Variants in SCD5 observed in about 807,000 individuals in gnomAD.
SCD5 encodes acyl-CoA-desaturase 4.
Under a neutral mutation model 30.4 loss-of-function variants are expected in SCD5, and 20 were observed. The observed-to-expected ratio is 0.66, with a 90% CI of 0.46 to 0.96. The LOEUF is 0.96. SCD5 is among the 40% of genes least tolerant of loss of function. The pLI is 0.00. For synonymous variants in SCD5, 173 were observed against 176.4 expected, an observed-to-expected ratio of 0.98 and a Z score of 0.16; for missense variants, 381 against 443.3, an observed-to-expected ratio of 0.86 and a Z score of 1.26.
chr4:82,767,231 C>CCTCTCT (rs149299807), intron 1 of SCD5, among the ~76,000 whole-genome samples: 2 of 150,924 alleles, frequency 1.3e-5, no homozygotes, highest in African/African-American at 2.5e-5. Flanking sequence ...CAGCATTTTC[C>CCTCTCT]CTCTGTCTCT....
intron 1 of SCD5, among the ~76,000 whole-genome samples, chr4:82,713,499 A>G (rs990631942): frequency 2.0e-5 from 3 of 152,234 alleles, no homozygotes; most frequent in African/African-American, 7.2e-5. Context: ...CACTTCAGAC[A>G]GGCACTCCTG....
At chr4:82,673,804 A>G (rs549661750) in intron 3 of SCD5, among the ~76,000 whole-genome samples, 11 of 152,312 alleles carry the variant, frequency 7.2e-5, no homozygotes, top group African/African-American at 2.6e-4. Context: ...ACAAGAACAG[A>G]CTAATTGATC....
intron 1 of SCD5, among the ~76,000 whole-genome samples, chr4:82,753,665 C>T (rs1721157444): frequency 1.3e-5 from 2 of 152,214 alleles, no homozygotes; most frequent in Non-Finnish European, 2.9e-5. Context: ...AACTATGTAA[C>T]CAATGATATT....
chr4:82,794,504 C>T (rs1722167408), intron 1 of SCD5, among the ~76,000 whole-genome samples: 1 of 152,194 alleles, frequency 6.6e-6, no homozygotes, highest in South Asian at 2.1e-4. Context: ...ACAGTAACTG[C>T]AAGGCCTCAC....
chr4:82,646,969 T>A (rs7672535), intron 3 of SCD5, among the ~76,000 whole-genome samples: 20,536 of 152,176 alleles, frequency 0.13, 1,854 homozygotes, highest in East Asian at 0.37. Context: ...ATTACAGGCA[T>A]GCACCACCAT....
intron 1 of SCD5, among the ~76,000 whole-genome samples, chr4:82,790,365 C>T (rs983322167): frequency 1.3e-5 from 2 of 152,212 alleles, no homozygotes; most frequent in Non-Finnish European, 1.5e-5. Context: ...ACCTCCAGCA[C>T]GTCTCCCTCT....
chr4:82,759,648 TAAA>T (rs70938309), intron 1 of SCD5, among the ~76,000 whole-genome samples: 13 of 125,552 alleles, frequency 1.0e-4, no homozygotes, highest in East Asian at 7.0e-4. Context: ...AACCCCGTCT[TAAA>T]AAAAAAAAAA....
chr4:82,681,050 T>G, intron 2 of SCD5, 138 bp from the exon 3 acceptor site: 1 of 680,352 alleles, frequency 1.5e-6, no homozygotes, highest in Admixed American at 2.7e-5. Context: ...CCACAGTCCC[T>G]CAACCTCAAG....
intron 1 of SCD5, among the ~76,000 whole-genome samples, chr4:82,736,183 G>A (rs1367055160): frequency 6.6e-6 from 1 of 152,060 alleles, no homozygotes; most frequent in Non-Finnish European, 1.5e-5. Flanking sequence ...AGCTACTCTG[G>A]AGGCTGAGGT....
chr4:82,784,230 A>G (rs576708868), intron 1 of SCD5, among the ~76,000 whole-genome samples: 1 of 152,308 alleles, frequency 6.6e-6, no homozygotes, highest in East Asian at 1.9e-4. Context: ...TTACCTTTGT[A>G]TATGTTTCAC....
intron 3 of SCD5, among the ~76,000 whole-genome samples, chr4:82,659,475 T>C (rs965414290): frequency 3.9e-5 from 6 of 152,310 alleles, no homozygotes; most frequent in South Asian, 2.1e-4. Context: ...TTTAGTGCTA[T>C]AGATTTCCCT....
intron 1 of SCD5, among the ~76,000 whole-genome samples, chr4:82,764,204 CGAGCCACATTTCAAGTGCTCAA>C (rs766617951): frequency 1.3e-3 from 204 of 152,104 alleles, no homozygotes; most frequent in South Asian, 2.5e-3. Flanking sequence ...ATTCAGTTCA[CGAGCCACATTTCAAGTGCTCAA>C]GAGCCACATG....
At chr4:82,709,290 G>A (rs908739658) in intron 1 of SCD5, among the ~76,000 whole-genome samples, 9 of 152,216 alleles carry the variant, frequency 5.9e-5, no homozygotes, top group South Asian at 2.1e-4. Flanking sequence ...ATTCAGCCTC[G>A]GCTTGTCATA....
intron 1 of SCD5, among the ~76,000 whole-genome samples, chr4:82,747,070 C>CCCCCCCCCG (rs139103265): frequency 2.9e-5 from 1 of 34,772 alleles, no homozygotes; most frequent in Non-Finnish European, 1.1e-4. Context: ...GGGCAACCTG[C>CCCCCCCCCG]CCCCCAAGAA....
chr4:82,721,481 A>C (rs1720368275), intron 1 of SCD5, among the ~76,000 whole-genome samples: 1 of 152,186 alleles, frequency 6.6e-6, no homozygotes, highest in Non-Finnish European at 1.5e-5. Context: ...GTGCCCCAGA[A>C]TGTGACTTGA....
Position 82,685,278 on chromosome 4 carries a change from A to G in SCD5, c.364-4366T>C, listed in dbSNP as rs561606479. Among the ~76,000 whole-genome samples the G allele has an allele frequency of 2.1e-4, 32 of 152,216 alleles. 3 individuals are homozygous for G. In the South Asian group the frequency reaches 6.7e-3, roughly 32 times the overall value. Reference sequence around the variant, plus strand: ...CTCAGGTGGTAGGCTTCATTAGCAGAGACGCCATACTATAGTCCTACTTTG... The same window carrying G: ...CTCAGGTGGTAGGCTTCATTAGCAGGGACGCCATACTATAGTCCTACTTTG... On this transcript the variant is annotated intron_variant, in intron 2 of 4. Transcript: ENST00000319540.
rs529473718 is a variant in SCD5, at chr4:82,650,924, A to G, written c.570-14101T>C. ...TTCATTAAAATAATAAACCTATTAC[A>G]TGGTAAATAAATTACATATTTTTAG... On this transcript the variant is annotated intron_variant, in intron 3 of 4. Coordinates refer to ENST00000319540, the MANE Select transcript of SCD5 (RefSeq NM_001037582.3). Among the ~76,000 whole-genome samples, 31 of 150,068 alleles carry G rather than the reference A, an allele frequency of 2.1e-4. 1 individual carries two copies. The South Asian group carries it at 6.6e-3, about 32-fold the overall frequency.
chr4:82,640,899 T>C (rs1413704165), intron 3 of SCD5, among the ~76,000 whole-genome samples: 1 of 152,228 alleles, frequency 6.6e-6, no homozygotes, highest in East Asian at 1.9e-4. Context: ...AGAGGAGTCA[T>C]TGATGCTGCC....
intron 1 of SCD5, among the ~76,000 whole-genome samples, chr4:82,707,931 T>C (rs1342176020): frequency 6.6e-6 from 1 of 152,150 alleles, no homozygotes; most frequent in African/African-American, 2.4e-5. Context: ...CACTACTAAA[T>C]TGGGGGTAAT....
Sources: gnomAD v4.1 joint callset for allele counts (sites outside exome capture counted in the v4.1 genomes callset) on GRCh38, gnomAD v4.1.1 for gene constraint, MANE v1.5 for transcripts, NCBI Gene and HGNC (gene_info 2026-07-23, HGNC 2026-07-21) for gene names.